AUTS2: variants seen among roughly 807,000 people sequenced by gnomAD.
AUTS2 encodes autism susceptibility gene 2 protein.
Under a neutral mutation model 112.4 loss-of-function variants are expected in AUTS2, and 17 were observed. The ratio of observed to expected loss-of-function variants is 0.15; its 90% CI spans 0.10 to 0.23. The LOEUF (loss-of-function observed/expected upper bound fraction) is 0.23. AUTS2 is among the 10% of genes least tolerant of loss of function. The pLI is 1.00. For missense variants in AUTS2, 1,510 were observed against 1,701.6 expected (o/e 0.89, Z 1.98); for synonymous variants, 751 against 702.7 (o/e 1.07, Z -1.09).
At chr7:69,810,972 A>T (rs541172305) in intron 1 of AUTS2, among the ~76,000 whole-genome samples, 1 of 152,364 alleles carries the variant, frequency 6.6e-6, no homozygotes, top group East Asian at 1.9e-4. Flanking sequence ...TGAAGCACAC[A>T]GCCCCCTAGA....
chr7:69,932,081 A>T (rs370938485), intron 2 of AUTS2, among the ~76,000 whole-genome samples: 5 of 152,014 alleles, frequency 3.3e-5, no homozygotes, highest in African/African-American at 1.2e-4. Flanking sequence ...TTGTGTGTGT[A>T]TATGTGTGCA....
intron 2 of AUTS2, among the ~76,000 whole-genome samples, chr7:70,107,435 C>A (rs1804828097): frequency 6.7e-6 from 1 of 149,970 alleles, no homozygotes; most frequent in Non-Finnish European, 1.5e-5. Context: ...CCTCCGTCTC[C>A]CAGGTTCAGG....
At chr7:70,701,913 G>T (rs1239904656) in intron 6 of AUTS2, among the ~76,000 whole-genome samples, 1 of 152,162 alleles carries the variant, frequency 6.6e-6, no homozygotes, top group African/African-American at 2.4e-5. Context: ...GAGAGACTTA[G>T]TAACCCTATT....
chr7:70,192,563 T>A (rs544669069), intron 4 of AUTS2, among the ~76,000 whole-genome samples: 1 of 152,214 alleles, frequency 6.6e-6, no homozygotes, highest in South Asian at 2.1e-4. Context: ...GAGCATGAAA[T>A]AAGTAAGTAG....
chr7:70,335,657 C>T (rs778274923), intron 4 of AUTS2, among the ~76,000 whole-genome samples: 5 of 152,264 alleles, frequency 3.3e-5, no homozygotes, highest in Middle Eastern at 3.4e-3. Context: ...GACAGTGAGG[C>T]GTCTCTTGGA....
chr7:70,454,016 G>A (rs918169872), intron 5 of AUTS2, among the ~76,000 whole-genome samples: 2 of 152,144 alleles, frequency 1.3e-5, no homozygotes, highest in South Asian at 2.1e-4. Flanking sequence ...GCAAAGAGGG[G>A]CAAGGATTTC....
intron 4 of AUTS2, among the ~76,000 whole-genome samples, chr7:70,238,930 A>G (rs751090821): frequency 4.6e-5 from 7 of 152,146 alleles, no homozygotes; most frequent in Non-Finnish European, 8.8e-5. Context: ...ATCAATTAGT[A>G]GAACTCCCTA....
At chr7:70,262,729 CTT>C (rs1787229359) in intron 4 of AUTS2, among the ~76,000 whole-genome samples, 1 of 152,194 alleles carries the variant, frequency 6.6e-6, no homozygotes, top group Admixed American at 6.5e-5. Flanking sequence ...CAAGTGATCT[CTT>C]GAATTAAAAC....
intron 2 of AUTS2, among the ~76,000 whole-genome samples, chr7:70,032,705 A>T (rs1800835426): frequency 6.6e-6 from 1 of 152,056 alleles, no homozygotes; most frequent in Admixed American, 6.6e-5. Context: ...ACAGTGGTGC[A>T]GTGTTAGAAT....
Position 70,117,116 on chromosome 7 carries a change from TGTTTTTTTTTGTTTTTTTTTG to T in AUTS2, c.523-1015_523-995del, listed in dbSNP as rs1248905256. On this transcript the variant is annotated intron_variant, in intron 2 of 18. Transcript: ENST00000342771. ...TGAGATGACTTTTGTTTTTTTTTTT[TGTTTTTTTTTGTTTTTTTTTG>T]TTTTTTTTTTTGGTGTAGTACCATA... Among the ~76,000 whole-genome samples the T allele has an allele frequency of 2.4e-4, 26 of 107,718 alleles. 2 individuals are homozygous for T. The highest frequency in any genetic ancestry group is 1.1e-3 in the African/African-American group (24 of 22,526). 70.7% of individuals were successfully genotyped at this position (107,718 alleles called of 152,430 possible).
intron 6 of AUTS2, among the ~76,000 whole-genome samples, chr7:70,752,687 G>A (rs1048671133): frequency 2.0e-5 from 3 of 152,164 alleles, no homozygotes; most frequent in African/African-American, 7.2e-5. Flanking sequence ...TCCCCCGTAT[G>A]AAGTGACAAT....
intron 4 of AUTS2, among the ~76,000 whole-genome samples, chr7:70,372,965 G>C (rs1585070788): frequency 6.6e-6 from 1 of 152,072 alleles, no homozygotes; most frequent in East Asian, 1.9e-4. Context: ...AGTGCATATT[G>C]TTATGAGCTG....
At chr7:70,340,194 A>ACACACACACACACACC (rs942358361) in intron 4 of AUTS2, among the ~76,000 whole-genome samples, 4 of 151,120 alleles carry the variant, frequency 2.6e-5, no homozygotes, top group Admixed American at 6.6e-5. Flanking sequence ...ACACACACAC[A>ACACACACACACACACC]CCCCGTAATA....
intron 5 of AUTS2, among the ~76,000 whole-genome samples, chr7:70,448,241 C>T (rs914119961): frequency 3.9e-5 from 6 of 152,118 alleles, no homozygotes; most frequent in Non-Finnish European, 7.3e-5. Flanking sequence ...CCCTCCTGGA[C>T]AGAATGGACA....
chr7:70,228,650 T>A (rs1426583693), intron 4 of AUTS2, among the ~76,000 whole-genome samples: 2 of 151,978 alleles, frequency 1.3e-5, no homozygotes, highest in Non-Finnish European at 2.9e-5. Flanking sequence ...ATACTGACTT[T>A]GTATTAAACT....
chr7:70,083,548 A>G (rs1268584106), intron 2 of AUTS2, among the ~76,000 whole-genome samples: 1 of 152,226 alleles, frequency 6.6e-6, no homozygotes, highest in Non-Finnish European at 1.5e-5. Flanking sequence ...TTTTGTTTGT[A>G]ACAACTTTAT....
intron 1 of AUTS2, among the ~76,000 whole-genome samples, chr7:69,809,559 A>T (rs1396533523): frequency 6.6e-6 from 1 of 152,138 alleles, no homozygotes; most frequent in Non-Finnish European, 1.5e-5. Context: ...CAATCAAAAG[A>T]CAAATACCCA....
intron 2 of AUTS2, among the ~76,000 whole-genome samples, chr7:69,933,215 G>C (rs1306986711): frequency 1.3e-5 from 2 of 152,154 alleles, no homozygotes; most frequent in Non-Finnish European, 2.9e-5. Context: ...TCATGTGTGC[G>C]CACAGGTGTC....
At chr7:70,229,137 C>T (rs977057685) in intron 4 of AUTS2, among the ~76,000 whole-genome samples, 4 of 151,890 alleles carry the variant, frequency 2.6e-5, no homozygotes, top group African/African-American at 9.7e-5. Context: ...TATATAGCCT[C>T]CTATAGTTAC....
Sources: allele counts gnomAD v4.1 joint callset (sites outside exome capture counted in the v4.1 genomes callset), GRCh38; gene constraint gnomAD v4.1.1; transcripts MANE v1.5; gene names NCBI Gene and HGNC (gene_info 2026-07-23, HGNC 2026-07-21).